The following RGCC variants were observed in gnomAD, a reference collection of about 807,000 sequenced individuals.
RGCC encodes regulator of cell cycle.
Under a neutral mutation model 15.4 loss-of-function variants are expected in RGCC, and 15 were observed. The observed-to-expected ratio is 0.97, with a 90% confidence interval of 0.65 to 1.50. The LOEUF (loss-of-function observed/expected upper bound fraction) is 1.50. Among genes scored for constraint, RGCC ranks in the 40% most tolerant of loss-of-function variants. The pLI, the probability that RGCC is intolerant of heterozygous loss-of-function variation, is 0.00. For synonymous variants in RGCC, 81 were observed against 78.0 expected (o/e 1.04, Z -0.20); for missense variants, 176 against 189.7 (o/e 0.93, Z 0.42).
At chr13:41,470,417 T>C in intron 4 of RGCC, 61 bp from the exon 5 acceptor site, 1 of 1,543,174 alleles carries the variant, frequency 6.5e-7, no homozygotes, top group South Asian at 1.1e-5. Flanking sequence ...CAGTGTGATG[T>C]GGTTAAGCAT....
At chr13:41,466,191 TCACACACACTCATACACTCA>T (rs1566338384) in intron 2 of RGCC, among the ~76,000 whole-genome samples, 4 of 44,712 alleles carry the variant, frequency 8.9e-5, no homozygotes, top group African/African-American at 1.9e-4. Context: ...ACACACACAC[TCACACACACTCATACACTCA>T]CACACTTTCT....
chr13:41,465,602 C>A, intron 2 of RGCC, among the ~76,000 whole-genome samples: 1 of 152,180 alleles, frequency 6.6e-6, no homozygotes, highest in Non-Finnish European at 1.5e-5. Flanking sequence ...GGATGGTCCC[C>A]TTGACTCCCA....
In RGCC at chr13:41,458,386, T is replaced by C. The variant is rs2139571877; in HGVS notation, c.151T>C (p.Phe51Leu). ...CGCGTCGCCCTTCCACGAGCGCCAC[T>C]TCCACTACGAGGAGCACCTGGAGCG... ...DFASPFHERH[F>L]HYEEHLERMK... The change falls in exon 2 of 5, where the codon TTC becomes CTC. Residue 51 changes from phenylalanine (F) to leucine (L), a missense_variant. Transcript: ENST00000379359. The surrounding 1 kb of genome is among the most constrained non-coding windows in gnomAD (Gnocchi z 4.4). 6.3e-7 allele frequency: 1 copy of C among 1,599,868 alleles called. No individual in the cohort carries two copies. Among genetic ancestry groups the C allele is most frequent in the East Asian group, 2.2e-5 (1 of 44,630 alleles).
In RGCC at chr13:41,468,770, T is replaced by C; in HGVS notation, c.344-6T>C. The C allele has an allele frequency of 2.5e-6, 4 of 1,604,004 alleles. No homozygotes were observed. In the South Asian group the frequency reaches 4.4e-5, roughly 18 times the overall value. On this transcript the variant is annotated splice_polypyrimidine_tract_variant and splice_region_variant and intron_variant, in intron 3 of 4. Transcript: ENST00000379359. ...TCTCTCTCTCTCTCCCTCTCCTGTT[T>C]CACAGCTAAATTAGGAGACACAAAA...
intron 2 of RGCC, among the ~76,000 whole-genome samples, chr13:41,460,570 T>G (rs1344629422): frequency 6.6e-6 from 1 of 152,226 alleles, no homozygotes; most frequent in Non-Finnish European, 1.5e-5. Flanking sequence ...ACATGCCTGT[T>G]TGTCAATGAT....
At chr13:41,462,993 G>A (rs2043828874) in intron 2 of RGCC, among the ~76,000 whole-genome samples, 1 of 152,122 alleles carries the variant, frequency 6.6e-6, no homozygotes, top group Non-Finnish European at 1.5e-5. Context: ...TCTTGATTCT[G>A]TTTATTCTCT....
chr13:41,465,794 A>G (rs888099315), intron 2 of RGCC, among the ~76,000 whole-genome samples: 7 of 152,140 alleles, frequency 4.6e-5, no homozygotes, highest in African/African-American at 7.2e-5. Flanking sequence ...ACCTCTCTTA[A>G]GTAAAAGAGA....
chr13:41,465,655 A>G (rs2043843571), intron 2 of RGCC, among the ~76,000 whole-genome samples: 1 of 152,088 alleles, frequency 6.6e-6, no homozygotes, highest in Admixed American at 6.6e-5. Flanking sequence ...CTGTGGTTCA[A>G]GTCTTTGGAG....
Position 41,458,469 on chromosome 13 carries a change from G to A in RGCC, c.234G>A (p.Glu78=). 6.3e-7 allele frequency: 1 copy of A among 1,594,656 alleles called. No homozygotes were observed. The highest frequency in any genetic ancestry group is 8.5e-7 in the Non-Finnish European group (1 of 1,175,856). ...VSDSSGFSDS[E]SADSLYRNSF... Reference sequence around the variant, plus strand: ...ACAGCAGCGGCTTCAGCGACTCGGAGAGTAAGTGCGGCCCCCGCTAGGATG... The same window carrying A: ...ACAGCAGCGGCTTCAGCGACTCGGAAAGTAAGTGCGGCCCCCGCTAGGATG... The change falls in exon 2 of 5, where the codon GAG becomes GAA. Residue 78 remains glutamate, a splice_region_variant and synonymous_variant. Transcript: ENST00000379359. This position sits in a 1 kb window ranked among gnomAD's most constrained non-coding sequence, Gnocchi z 4.4.
chr13:41,458,454 C>G lies in RGCC; in HGVS notation c.219C>G (p.Gly73=). ...GCGCCAGTGTCAGCGACAGCAGCGG[C>G]TTCAGCGACTCGGAGAGTAAGTGCG... is the stretch of plus-strand genomic sequence containing the variant. The part of the protein sequence containing the change: ...RSSASVSDSS[G]FSDSESADSL... Residue 73 remains glycine (G), a synonymous_variant, in exon 2 of 5, where the codon GGC becomes GGG. Coordinates refer to ENST00000379359, the MANE Select transcript of RGCC (RefSeq NM_014059.3). The surrounding 1 kb of genome is among the most constrained non-coding windows in gnomAD (Gnocchi z 4.4). 1 of 1,598,382 alleles carries G rather than the reference C, an allele frequency of 6.3e-7. No individual in the cohort carries two copies. Among genetic ancestry groups the G allele is most frequent in the South Asian group, 1.1e-5 (1 of 89,908 alleles).
chr13:41,468,680 C>T (rs2043859627), intron 3 of RGCC, 96 bp from the exon 4 acceptor site: 1 of 888,114 alleles, frequency 1.1e-6, no homozygotes, highest in East Asian at 2.5e-5. Flanking sequence ...TCTGGAAGTT[C>T]CAACTTCCTG....
intron 3 of RGCC, among the ~76,000 whole-genome samples, chr13:41,468,474 T>A (rs1276561496): frequency 6.6e-6 from 1 of 152,024 alleles, no homozygotes; most frequent in Non-Finnish European, 1.5e-5. Context: ...GAGGGAGAAG[T>A]GGGGTGGGAT....
intron 2 of RGCC, among the ~76,000 whole-genome samples, chr13:41,459,237 C>T (rs564563701): frequency 7.2e-5 from 11 of 152,330 alleles, no homozygotes; most frequent in African/African-American, 2.6e-4. Context: ...GGGAGGATTA[C>T]AGGTACCTCA....
At chr13:41,460,788 T>C (rs1430802599) in intron 2 of RGCC, among the ~76,000 whole-genome samples, 6 of 152,342 alleles carry the variant, frequency 3.9e-5, no homozygotes, top group African/African-American at 1.2e-4. Context: ...GTACATGCTG[T>C]GCTATACCAT....
At chr13:41,462,288 C>G (rs922604397) in intron 2 of RGCC, among the ~76,000 whole-genome samples, 1 of 152,178 alleles carries the variant, frequency 6.6e-6, no homozygotes, top group Non-Finnish European at 1.5e-5. Flanking sequence ...ACCTTTCTCC[C>G]AACCCCCCTA....
intron 4 of RGCC, among the ~76,000 whole-genome samples, chr13:41,470,167 A>G (rs553288025): frequency 3.3e-5 from 5 of 152,200 alleles, no homozygotes; most frequent in Non-Finnish European, 5.9e-5. Flanking sequence ...TATCATTTCT[A>G]TTTGAAAATT....
intron 2 of RGCC, among the ~76,000 whole-genome samples, chr13:41,466,247 C>A (rs528467678): frequency 2.7e-5 from 4 of 149,558 alleles, no homozygotes; most frequent in East Asian, 2.0e-4. Flanking sequence ...TCACACACAC[C>A]CACACTCACA....
rs1157575844 is a variant in RGCC, at chr13:41,458,255, C to T, written c.50-30C>T. 3.3e-6 allele frequency: 5 copies of T among 1,537,622 alleles called. No individual in the cohort carries two copies. Among genetic ancestry groups the T allele is most frequent in the Non-Finnish European group, 4.4e-6 (5 of 1,146,298 alleles). On this transcript the variant is annotated intron_variant, in intron 1 of 4. Coordinates refer to ENST00000379359, the MANE Select transcript of RGCC (RefSeq NM_014059.3). The surrounding 1 kb of genome is among the most constrained non-coding windows in gnomAD (Gnocchi z 4.4). ...GTGGTCCCGCTGCCCCCCTGACTTC[C>T]GTGCACTGAGCCCCTGGCCCTGCCC...
At chr13:41,468,864 C>CA (rs1434427288) in intron 4 of RGCC, 26 bp downstream of exon 4, 4 of 1,489,894 alleles carry the variant, frequency 2.7e-6, no homozygotes, top group African/African-American at 2.8e-5. Flanking sequence ...ATATTAAAAA[C>CA]AAAAAAACAA....
Sources: gnomAD v4.1 joint callset for allele counts (sites outside exome capture counted in the v4.1 genomes callset) on GRCh38, gnomAD v4.1.1 for gene constraint, Gnocchi (gnomAD v3.1) non-coding constraint, MANE v1.5 for transcripts, NCBI Gene and HGNC (gene_info 2026-07-23, HGNC 2026-07-21) for gene names.